ZNF804B: variants seen among roughly 807,000 people sequenced by gnomAD.
The protein encoded by ZNF804B is zinc finger protein 804B, also known as zinc finger 804B.
Under a neutral mutation model 101.4 loss-of-function variants are expected in ZNF804B, and 80 were observed. The ratio of observed to expected loss-of-function variants is 0.79; its 90% CI spans 0.66 to 0.95. ZNF804B has a LOEUF of 0.95. ZNF804B is among the 40% of genes least tolerant of loss of function. The pLI is 0.00. For synonymous variants in ZNF804B, 622 were observed against 558.8 expected, an observed-to-expected ratio of 1.11 and a Z score of -1.59; for missense variants, 1,673 against 1,561.9, an observed-to-expected ratio of 1.07 and a Z score of -1.20.
intron 1 of ZNF804B, chr7:88,794,567 T>C (rs2293583): frequency 0.086 from 138,157 of 1,613,248 alleles, 6,851 homozygotes; most frequent in South Asian, 0.18. Context: ...ATTTGTTGAA[T>C]AAAAAATACT....
At chr7:88,776,038 A>T (rs1790135738) in intron 1 of ZNF804B, among the ~76,000 whole-genome samples, 1 of 152,156 alleles carries the variant, frequency 6.6e-6, no homozygotes, top group East Asian at 1.9e-4. Flanking sequence ...CTTCTATTCC[A>T]GCTCTGACCA....
intron 1 of ZNF804B, among the ~76,000 whole-genome samples, chr7:89,088,905 G>A (rs754633980): frequency 4.6e-5 from 7 of 151,738 alleles, no homozygotes; most frequent in Admixed American, 6.6e-5. Context: ...CTGAACAGTC[G>A]TCCTGCTACA....
chr7:88,817,571 A>C (rs2115750800), intron 1 of ZNF804B, among the ~76,000 whole-genome samples: 1 of 152,212 alleles, frequency 6.6e-6, no homozygotes, highest in East Asian at 1.9e-4. Context: ...ATAAAAGTAA[A>C]TATTTTATTC....
chr7:89,134,320 G>A (rs1790597914), intron 1 of ZNF804B, among the ~76,000 whole-genome samples: 4 of 152,078 alleles, frequency 2.6e-5, no homozygotes, highest in Admixed American at 2.0e-4. Flanking sequence ...GGAGACTTGA[G>A]GTTTCCAGAT....
chr7:89,283,858 C>T (rs1790136185), intron 2 of ZNF804B, among the ~76,000 whole-genome samples: 1 of 151,908 alleles, frequency 6.6e-6, no homozygotes, highest in Admixed American at 6.6e-5. Context: ...TTTATTGAAA[C>T]ATTTTTGGAG....
intron 1 of ZNF804B, among the ~76,000 whole-genome samples, chr7:88,784,644 A>G (rs995932429): frequency 6.6e-6 from 1 of 152,112 alleles, no homozygotes; most frequent in Non-Finnish European, 1.5e-5. Context: ...GCTTTTGGAA[A>G]TACTGTCTAT....
rs187182501 is a variant in ZNF804B at position 88,934,655 on chromosome 7, A to G, written c.108+174571A>G. Among the ~76,000 whole-genome samples, 53 of 152,130 alleles carry G rather than the reference A, an allele frequency of 3.5e-4. 1 individual carries two copies. The highest frequency in any genetic ancestry group is 1.3e-3 in the African/African-American group (52 of 41,542). On this transcript the variant is annotated intron_variant, in intron 1 of 3. Coordinates refer to ENST00000333190, the MANE Select transcript of ZNF804B (RefSeq NM_181646.5). The stretch of plus-strand genomic sequence containing the variant: ...AGAAAAAACATGCTAAACATTACCA[A>G]TTATTAGGGAGGTGCAAATTAAAAC...
intron 1 of ZNF804B, among the ~76,000 whole-genome samples, chr7:89,156,484 A>G (rs1457106158): frequency 6.6e-6 from 1 of 152,172 alleles, no homozygotes; most frequent in Non-Finnish European, 1.5e-5. Flanking sequence ...ACGTTTGTGT[A>G]CATCAATACT....
rs376387535 is a variant in ZNF804B at position 89,171,804 on chromosome 7, T to G, written c.109-46351T>G. 1.8e-4 allele frequency among the ~76,000 whole-genome samples: 28 copies of G among 152,200 alleles called. No homozygotes were observed. The East Asian group carries it at 3.1e-3, about 17-fold the overall frequency. ...AATTTGTTCAAATTCCAATAGCTAG[T>G]GTTGGCAAATGTGATCCGAGCCTGG... On this transcript the variant is annotated intron_variant, in intron 1 of 3. Transcript: ENST00000333190.
At chr7:89,014,432 T>C (rs1788509715) in intron 1 of ZNF804B, among the ~76,000 whole-genome samples, 1 of 152,142 alleles carries the variant, frequency 6.6e-6, no homozygotes, top group Non-Finnish European at 1.5e-5. Flanking sequence ...TTCTCCTGCC[T>C]CAGCCTCCCG....
intron 2 of ZNF804B, among the ~76,000 whole-genome samples, chr7:89,239,948 ATTC>A (rs1221225981): frequency 1.3e-5 from 2 of 151,858 alleles, no homozygotes; most frequent in Non-Finnish European, 2.9e-5. Flanking sequence ...GGGCAAATAC[ATTC>A]TTATGTCATT....
intron 2 of ZNF804B, among the ~76,000 whole-genome samples, chr7:89,270,606 G>T (rs1003304454): frequency 6.6e-6 from 1 of 152,174 alleles, no homozygotes; most frequent in Admixed American, 6.6e-5. Context: ...TGTGAAGACA[G>T]TCATTGGTAG....
At position 89,205,847 on chromosome 7, in the gene ZNF804B, T is replaced by C. The variant is rs185322564; in HGVS notation, c.109-12308T>C. Among the ~76,000 whole-genome samples the C allele has an allele frequency of 2.1e-3, 317 of 152,302 alleles. 2 individuals are homozygous for C. Among genetic ancestry groups the C allele is most frequent in the African/African-American group, 7.4e-3 (307 of 41,564 alleles). On this transcript the variant is annotated intron_variant, in intron 1 of 3. Coordinates refer to ENST00000333190, the MANE Select transcript of ZNF804B (RefSeq NM_181646.5). Reference sequence around the variant, plus strand: ...AGGCAGTTTCCCAGTGGGGATTCTATGTGGGGGGCTCAAATCCCACATTTC... The same window carrying C: ...AGGCAGTTTCCCAGTGGGGATTCTACGTGGGGGGCTCAAATCCCACATTTC...
chr7:89,001,165 A>T (rs1332881986), intron 1 of ZNF804B, among the ~76,000 whole-genome samples: 1 of 149,134 alleles, frequency 6.7e-6, no homozygotes, highest in Non-Finnish European at 1.5e-5. Flanking sequence ...TACAATATAT[A>T]TATTATATTC....
chr7:89,154,366 C>T (rs368733376), intron 1 of ZNF804B, among the ~76,000 whole-genome samples: 85 of 152,268 alleles, frequency 5.6e-4, no homozygotes, highest in African/African-American at 1.9e-3. Flanking sequence ...TATGATCCAG[C>T]AATCCCTCTG....
intron 3 of ZNF804B, among the ~76,000 whole-genome samples, chr7:89,332,316 A>G (rs974692486): frequency 2.0e-5 from 3 of 151,870 alleles, no homozygotes; most frequent in Admixed American, 6.6e-5. Context: ...ACTACTCTAC[A>G]TTAGAACTTG....
At chr7:89,002,629 CAT>C (rs1185949902) in intron 1 of ZNF804B, among the ~76,000 whole-genome samples, 1 of 151,804 alleles carries the variant, frequency 6.6e-6, no homozygotes, top group Non-Finnish European at 1.5e-5. Context: ...TATCTACTAT[CAT>C]GTTATTTACC....
intron 1 of ZNF804B, among the ~76,000 whole-genome samples, chr7:88,979,598 C>A (rs1208740495): frequency 1.7e-5 from 2 of 117,816 alleles, no homozygotes; most frequent in African/African-American, 8.2e-5. Flanking sequence ...TTTCTTTTTT[C>A]TTTTTCTTTC....
intron 1 of ZNF804B, among the ~76,000 whole-genome samples, chr7:88,809,383 T>C (rs1461811521): frequency 6.6e-6 from 1 of 151,860 alleles, no homozygotes; most frequent in African/African-American, 2.4e-5. Context: ...ACCTACTTAC[T>C]TACCAATCTA....
Sources: allele counts gnomAD v4.1 joint callset (sites outside exome capture counted in the v4.1 genomes callset), GRCh38; gene constraint gnomAD v4.1.1; transcripts MANE v1.5; gene names NCBI Gene and HGNC (gene_info 2026-07-23, HGNC 2026-07-21).